The following SH3D19 variants were observed in gnomAD, a reference collection of about 807,000 sequenced individuals.
SH3D19 encodes the protein SH3 domain containing 19.
A neutral mutation model predicts 112.1 loss-of-function variants in SH3D19; 58 were observed. The ratio of observed to expected loss-of-function variants is 0.52; its 90% CI spans 0.42 to 0.64. The LOEUF (loss-of-function observed/expected upper bound fraction) is 0.64. Among genes scored for constraint, SH3D19 ranks in the 30% least tolerant of loss-of-function variants. SH3D19 has a pLI of 0.00. For missense variants in SH3D19, 1,090 were observed against 1,263.4 expected (o/e 0.86, Z 2.08); for synonymous variants, 391 against 448.5 (o/e 0.87, Z 1.62).
chr4:151,263,696 C>T (rs1027987671), intron 1 of SH3D19, among the ~76,000 whole-genome samples: 8 of 151,826 alleles, frequency 5.3e-5, no homozygotes, highest in Admixed American at 1.3e-4. Context: ...TTCATGTGGG[C>T]CTCGCTGAAG....
At chr4:151,201,170 G>T (rs1262850275) in intron 2 of SH3D19, among the ~76,000 whole-genome samples, 1 of 152,116 alleles carries the variant, frequency 6.6e-6, no homozygotes, top group East Asian at 1.9e-4. Flanking sequence ...AAATAATGAA[G>T]ATTATAGCCA....
intron 1 of SH3D19, among the ~76,000 whole-genome samples, chr4:151,242,159 T>C (rs1013278837): frequency 1.3e-5 from 2 of 152,026 alleles, no homozygotes; most frequent in African/African-American, 4.8e-5. Context: ...CACTCCAGCC[T>C]GGGCAACAGA....
intron 17 of SH3D19, among the ~76,000 whole-genome samples, chr4:151,128,950 T>C (rs1330391758): frequency 3.3e-5 from 5 of 152,242 alleles, no homozygotes; most frequent in African/African-American, 1.2e-4. Flanking sequence ...AAAAACTTTT[T>C]TCTTAATATG....
intron 17 of SH3D19, among the ~76,000 whole-genome samples, chr4:151,131,914 G>A (rs1018987174): frequency 3.9e-5 from 6 of 151,900 alleles, no homozygotes; most frequent in African/African-American, 9.7e-5. Flanking sequence ...AACCTCCACC[G>A]CCAGGTTCAA....
intron 2 of SH3D19, among the ~76,000 whole-genome samples, chr4:151,210,217 A>T (rs1225061097): frequency 6.6e-6 from 1 of 152,182 alleles, no homozygotes; most frequent in Non-Finnish European, 1.5e-5. Flanking sequence ...GATGGTCCAT[A>T]AAAATGTAGG....
intron 2 of SH3D19, among the ~76,000 whole-genome samples, chr4:151,203,966 G>T (rs1029212734): frequency 1.3e-5 from 2 of 151,964 alleles, no homozygotes; most frequent in Non-Finnish European, 2.9e-5. Flanking sequence ...ACTTTTAATT[G>T]TAAATTAGTT....
At chr4:151,189,031 G>A (rs2149854547) in intron 2 of SH3D19, among the ~76,000 whole-genome samples, 1 of 152,250 alleles carries the variant, frequency 6.6e-6, no homozygotes, top group South Asian at 2.1e-4. Context: ...GTTTCAGAGG[G>A]GGCATAGCCC....
intron 1 of SH3D19, among the ~76,000 whole-genome samples, chr4:151,302,627 T>C (rs560527341): frequency 7.2e-5 from 11 of 152,336 alleles, no homozygotes; most frequent in Non-Finnish European, 1.2e-4. Context: ...AAAAAACGAC[T>C]ATAGACAATG....
At chr4:151,281,170 T>G (rs115158219) in intron 1 of SH3D19, among the ~76,000 whole-genome samples, 1 of 152,172 alleles carries the variant, frequency 6.6e-6, no homozygotes, top group African/African-American at 2.4e-5. Context: ...AAAAAAAAGA[T>G]AGTATTGATA....
intron 9 of SH3D19, among the ~76,000 whole-genome samples, chr4:151,150,721 T>A (rs1754899405): frequency 6.6e-6 from 1 of 152,152 alleles, no homozygotes; most frequent in Non-Finnish European, 1.5e-5. Flanking sequence ...TTGGAATGTT[T>A]TATCCTAATG....
chr4:151,171,967 AATC>A (rs1316555695), intron 7 of SH3D19, among the ~76,000 whole-genome samples: 2 of 152,178 alleles, frequency 1.3e-5, no homozygotes, highest in Non-Finnish European at 2.9e-5. Context: ...TAATTTTTCT[AATC>A]TTTACAATGT....
intron 2 of SH3D19, among the ~76,000 whole-genome samples, chr4:151,191,177 C>T (rs958437684): frequency 6.6e-6 from 1 of 152,364 alleles, no homozygotes; most frequent in East Asian, 1.9e-4. Context: ...TACCCAATGC[C>T]TGTACGCCCA....
At chr4:151,288,668 T>C (rs995124522) in intron 1 of SH3D19, among the ~76,000 whole-genome samples, 1 of 151,652 alleles carries the variant, frequency 6.6e-6, no homozygotes, top group Non-Finnish European at 1.5e-5. Flanking sequence ...AGCGAGACTC[T>C]GTCTTAAAAA....
chr4:151,228,092 C>G lies in SH3D19; in HGVS notation c.113-2006G>C, dbSNP rs532310977. 20 of 952,526 alleles carry G rather than the reference C, an allele frequency of 2.1e-5. No individual in the cohort carries two copies. The African/African-American group carries it at 3.0e-4, about 14-fold the overall frequency. 59.0% of individuals were successfully genotyped at this position (952,526 alleles called of 1,614,324 possible). ...TCTACAGTCATTTTTATACTTTCTGCTCTAAGAAAATACAAATGTCTTCTC... is the reference window on the plus strand; with the variant it reads ...TCTACAGTCATTTTTATACTTTCTGGTCTAAGAAAATACAAATGTCTTCTC... On this transcript the variant is annotated intron_variant, in intron 1 of 19. Coordinates refer to ENST00000604030, the MANE Select transcript of SH3D19 (RefSeq NM_001378122.1).
intron 1 of SH3D19, among the ~76,000 whole-genome samples, chr4:151,284,736 A>G (rs1364223551): frequency 1.3e-5 from 2 of 152,194 alleles, no homozygotes; most frequent in East Asian, 3.8e-4. Context: ...ATGCTTCTCT[A>G]AAGAATGTTG....
chr4:151,153,392 GT>G (rs1049773669), intron 9 of SH3D19, among the ~76,000 whole-genome samples: 8 of 151,622 alleles, frequency 5.3e-5, no homozygotes, highest in African/African-American at 1.9e-4. Flanking sequence ...GATTACAGGC[GT>G]GCTCCACCAC....
chr4:151,291,231 A>C (rs1775308490), intron 1 of SH3D19: 1 of 1,613,892 alleles, frequency 6.2e-7, no homozygotes, highest in South Asian at 1.1e-5. Flanking sequence ...ACACCAATGT[A>C]ATCTACTACC....
rs768793184 is a variant in SH3D19, at chr4:151,139,831, T to G, written c.2240A>C (p.Gln747Pro). 5 of 1,614,084 alleles carry G rather than the reference T, an allele frequency of 3.1e-6. No homozygotes were observed. The African/African-American group carries it at 6.7e-5, about 22-fold the overall frequency. Reference protein sequence around the residue: ...RSRPNDPSHAQKPVDSGAPHA... With the variant: ...RSRPNDPSHAPKPVDSGAPHA... ...AGGAGCACCACTGTCAACAGGCTTC[T>G]GAGCGTGGCTTGGATCCTTAGGGGG... The change falls in exon 13 of 20, where the codon CAG becomes CCG. Residue 747 changes from glutamine (Q) to proline (P), a missense_variant. By Grantham distance (76) the Gln-to-Pro change is moderately conservative. Coordinates refer to ENST00000604030, the MANE Select transcript of SH3D19 (RefSeq NM_001378122.1).
At position 151,139,859 on chromosome 4, in the gene SH3D19, A is replaced by C. The variant is rs1561214926; in HGVS notation, c.2224-12T>G. ...GCGTGGCTTGGATCCTTAGGGGGAG[A>C]AAAGGGCTGTGAATGAAGTGTGCAG... is the stretch of plus-strand genomic sequence containing the variant. On this transcript the variant is annotated splice_polypyrimidine_tract_variant and intron_variant, in intron 12 of 19. Coordinates refer to ENST00000604030, the MANE Select transcript of SH3D19 (RefSeq NM_001378122.1). The C allele has an allele frequency of 6.2e-7, 1 of 1,613,604 alleles. No homozygotes were observed. The highest frequency in any genetic ancestry group is 1.7e-5 in the Admixed American group (1 of 59,984).
Sources: allele counts gnomAD v4.1 joint callset (sites outside exome capture counted in the v4.1 genomes callset), GRCh38; gene constraint gnomAD v4.1.1; transcripts MANE v1.5; gene names NCBI Gene and HGNC (gene_info 2026-07-23, HGNC 2026-07-21).